TMEM230: variants seen among roughly 807,000 people sequenced by gnomAD.
TMEM230 encodes UPF0414 transmembrane protein C20orf30.
TMEM230 carries 10 observed loss-of-function variants against 15.8 expected under a neutral mutation model. The ratio of observed to expected loss-of-function variants is 0.63; its 90% CI spans 0.39 to 1.07. The LOEUF is 1.07. TMEM230 is among the 50% of genes least tolerant of loss of function. The probability of loss-of-function intolerance (pLI) is 0.01; values close to 1 mark genes in which losing one functional copy is unlikely to be tolerated. For synonymous variants in TMEM230, 67 were observed against 76.9 expected (o/e 0.87, Z 0.68); for missense variants, 165 against 193.3 (o/e 0.85, Z 0.87).
chr20:5,079,672 T>G (rs2089119668), intron 3 of TMEM230, among the ~76,000 whole-genome samples: 1 of 152,164 alleles, frequency 6.6e-6, no homozygotes, highest in Non-Finnish European at 1.5e-5. Context: ...TCTTTCCATC[T>G]CCTGGGAGAA....
At chr20:5,075,720 G>A (rs536440764) in intron 3 of TMEM230, among the ~76,000 whole-genome samples, 35 of 151,898 alleles carry the variant, frequency 2.3e-4, no homozygotes, top group South Asian at 1.0e-3. Flanking sequence ...GAGAAACTTC[G>A]CCTCAAAAAT....
chr20:5,083,285 ATT>A (rs71197748), intron 3 of TMEM230, among the ~76,000 whole-genome samples: 12,137 of 119,768 alleles, frequency 0.1, 1,428 homozygotes, highest in African/African-American at 0.31. Context: ...GGTTAGGGAG[ATT>A]TTTTTTTTTT....
chr20:5,071,177 C>T (rs1021406054), intron 3 of TMEM230, among the ~76,000 whole-genome samples: 1 of 152,106 alleles, frequency 6.6e-6, no homozygotes, highest in Admixed American at 6.6e-5. Context: ...TAATTATTAG[C>T]GAATGCCTCA....
At chr20:5,091,450 AT>A (rs2089504386) in intron 3 of TMEM230, among the ~76,000 whole-genome samples, 1 of 152,046 alleles carries the variant, frequency 6.6e-6, no homozygotes, top group Admixed American at 6.6e-5. Context: ...ACCTCAGGTG[AT>A]CCACCCACCT....
At chr20:5,110,605 C>A (rs2090273765) in intron 2 of TMEM230, among the ~76,000 whole-genome samples, 1 of 152,168 alleles carries the variant, frequency 6.6e-6, no homozygotes, top group South Asian at 2.1e-4. Flanking sequence ...ACAGGCCTGG[C>A]TATACTAGTG....
chr20:5,082,714 G>A (rs1195268370), intron 3 of TMEM230, among the ~76,000 whole-genome samples: 1 of 152,010 alleles, frequency 6.6e-6, no homozygotes. Flanking sequence ...AAAATGCTGG[G>A]ATTACAGACT....
chr20:5,069,151 C>T, exon 4 of TMEM230: 1 of 1,486,090 alleles, frequency 6.7e-7, no homozygotes, highest in South Asian at 1.3e-5. Context: ...CAGTTTAGCC[C>T]TTTTAAGATG....
intron 3 of TMEM230, among the ~76,000 whole-genome samples, chr20:5,089,649 T>C (rs1600329589): frequency 6.6e-6 from 1 of 150,732 alleles, no homozygotes; most frequent in Non-Finnish European, 1.5e-5. Flanking sequence ...TGCAATGAGC[T>C]GAGATCGCCC....
exon 4 of TMEM230, chr20:5,068,598 C>T (rs1026821026): frequency 3.3e-5 from 5 of 152,282 alleles, no homozygotes; most frequent in African/African-American, 9.7e-5. Flanking sequence ...GGAAACCACC[C>T]CATGATCCAA....
chr20:5,090,429 G>A (rs1415419240), intron 3 of TMEM230, among the ~76,000 whole-genome samples: 1 of 152,122 alleles, frequency 6.6e-6, no homozygotes, highest in Non-Finnish European at 1.5e-5. Context: ...AAGCCAGAAG[G>A]CACTACAGTC....
At chr20:5,103,486 C>T (rs796574026) in intron 4 of TMEM230, among the ~76,000 whole-genome samples, 2 of 151,706 alleles carry the variant, frequency 1.3e-5, no homozygotes, top group African/African-American at 4.8e-5. Context: ...ACGGCAAAAC[C>T]TCATCTATAC....
intron 3 of TMEM230, among the ~76,000 whole-genome samples, chr20:5,085,396 C>T (rs6076774): frequency 0.02 from 3,070 of 152,190 alleles, 105 homozygotes; most frequent in Admixed American, 0.09. Flanking sequence ...TCAAATAATT[C>T]TCATGCCTCA....
At chr20:5,090,623 A>G (rs1456451113) in intron 3 of TMEM230, among the ~76,000 whole-genome samples, 1 of 152,210 alleles carries the variant, frequency 6.6e-6, no homozygotes, top group African/African-American at 2.4e-5. Context: ...ATTAACTCCA[A>G]TGAGAAACTA....
chr20:5,087,629 G>A (rs2089382069), intron 3 of TMEM230, among the ~76,000 whole-genome samples: 1 of 150,676 alleles, frequency 6.6e-6, no homozygotes, highest in Admixed American at 6.6e-5. Flanking sequence ...CCTAGCTGGG[G>A]GTCCAGCCCT....
intron 3 of TMEM230, among the ~76,000 whole-genome samples, chr20:5,089,933 C>T (rs1238823399): frequency 6.6e-6 from 1 of 152,046 alleles, no homozygotes; most frequent in Admixed American, 6.6e-5. Context: ...GCAGGATAAT[C>T]GCTTGAACCT....
chr20:5,102,627 G>A (rs1055949635), intron 4 of TMEM230, among the ~76,000 whole-genome samples: 3 of 148,466 alleles, frequency 2.0e-5, no homozygotes, highest in Non-Finnish European at 4.4e-5. Flanking sequence ...GGAGGCAAAG[G>A]TTGCAGTGAG....
At chr20:5,081,777 C>G (rs1203661276) in intron 3 of TMEM230, among the ~76,000 whole-genome samples, 1 of 151,828 alleles carries the variant, frequency 6.6e-6, no homozygotes, top group Non-Finnish European at 1.5e-5. Flanking sequence ...TGCTTGCTGT[C>G]AGAAAGGGGA....
At chr20:5,110,349 A>G (rs2090264284) in intron 2 of TMEM230, among the ~76,000 whole-genome samples, 1 of 150,920 alleles carries the variant, frequency 6.6e-6, no homozygotes, top group South Asian at 2.1e-4. Flanking sequence ...CAGTGGCGCA[A>G]TCTCCATTCA....
intron 1 of TMEM230, among the ~76,000 whole-genome samples, chr20:5,112,308 C>A (rs1481471563): frequency 1.3e-5 from 2 of 152,204 alleles, no homozygotes; most frequent in Non-Finnish European, 2.9e-5. Flanking sequence ...AAGATTGGAT[C>A]AAACTGTGTC....
Sources: allele counts gnomAD v4.1 joint callset (sites outside exome capture counted in the v4.1 genomes callset), GRCh38; gene constraint gnomAD v4.1.1; transcripts MANE v1.5; gene names NCBI Gene and HGNC (gene_info 2026-07-23, HGNC 2026-07-21).